Variants in RNF13 observed in about 807,000 individuals in gnomAD.
The protein encoded by RNF13 is ring finger protein 13.
A neutral mutation model predicts 37.7 loss-of-function variants in RNF13; 19 were observed. That is an observed-to-expected ratio of 0.50 (90% CI 0.35 to 0.74). RNF13 has a LOEUF of 0.74. Among genes scored for constraint, RNF13 ranks in the 30% least tolerant of loss-of-function variants. The pLI is 0.01. For synonymous variants in RNF13, 144 were observed against 157.8 expected, an observed-to-expected ratio of 0.91 and a Z score of 0.65; for missense variants, 375 against 453.0, an observed-to-expected ratio of 0.83 and a Z score of 1.56.
chr3:149,959,920 C>T, intron 8 of RNF13, 136 bp from the exon 9 acceptor site: 1 of 592,550 alleles, frequency 1.7e-6, no homozygotes, highest in Non-Finnish European at 3.0e-6. Context: ...GGTCCTAGGA[C>T]TTAGATAAGC....
chr3:149,856,674 T>G (rs1436269930), intron 3 of RNF13, among the ~76,000 whole-genome samples: 1 of 152,130 alleles, frequency 6.6e-6, no homozygotes, highest in Non-Finnish European at 1.5e-5. Context: ...AACCCCTGGC[T>G]TCAAGCAATC....
intron 4 of RNF13, among the ~76,000 whole-genome samples, chr3:149,879,913 C>G (rs1209989038): frequency 1.3e-5 from 2 of 152,148 alleles, no homozygotes; most frequent in African/African-American, 2.4e-5. Context: ...CTAGCCTGAT[C>G]CTAACCTAAA....
intron 3 of RNF13, among the ~76,000 whole-genome samples, chr3:149,864,747 A>T (rs2108424920): frequency 6.6e-6 from 1 of 152,298 alleles, no homozygotes; most frequent in Middle Eastern, 3.4e-3. Flanking sequence ...TGCTATTGTT[A>T]TTGAGAACTA....
chr3:149,958,253 C>T (rs1385982071), intron 8 of RNF13, among the ~76,000 whole-genome samples: 2 of 152,180 alleles, frequency 1.3e-5, no homozygotes, highest in Non-Finnish European at 2.9e-5. Flanking sequence ...AGGGCCAAAA[C>T]CAAGGTGTCA....
chr3:149,900,620 A>G (rs913497280), intron 5 of RNF13, among the ~76,000 whole-genome samples: 1 of 152,106 alleles, frequency 6.6e-6, no homozygotes, highest in African/African-American at 2.4e-5. Context: ...GATGAGGTAG[A>G]TCTGTATTTA....
At chr3:149,882,291 G>C (rs1713513287) in intron 4 of RNF13, among the ~76,000 whole-genome samples, 1 of 151,400 alleles carries the variant, frequency 6.6e-6, no homozygotes, top group Non-Finnish European at 1.5e-5. Context: ...GGGTGGGTGG[G>C]GGAGGGGGTA....
At chr3:149,895,697 T>G in intron 5 of RNF13, 137 bp downstream of exon 5, 2 of 518,026 alleles carry the variant, frequency 3.9e-6, no homozygotes. Flanking sequence ...CATTCTTAAC[T>G]CTGGATGATT....
intron 8 of RNF13, among the ~76,000 whole-genome samples, chr3:149,945,169 A>C (rs1334812598): frequency 6.6e-6 from 1 of 152,124 alleles, no homozygotes. Flanking sequence ...ATTGGTCTAT[A>C]TCTCTGTCTT....
intron 1 of RNF13, among the ~76,000 whole-genome samples, chr3:149,822,995 T>C (rs1379051256): frequency 6.6e-6 from 1 of 152,098 alleles, no homozygotes; most frequent in Non-Finnish European, 1.5e-5. Context: ...ATGTGAACAA[T>C]TTCAACCTCA....
intron 7 of RNF13, among the ~76,000 whole-genome samples, chr3:149,916,117 C>CT (rs1324422086): frequency 6.6e-6 from 1 of 151,064 alleles, no homozygotes; most frequent in African/African-American, 2.4e-5. Flanking sequence ...TTGGGGTTAT[C>CT]TGTTACTTGA....
intron 8 of RNF13, among the ~76,000 whole-genome samples, chr3:149,934,534 C>A (rs750611364): frequency 4.6e-5 from 7 of 151,994 alleles, no homozygotes; most frequent in Non-Finnish European, 8.8e-5. Context: ...TTTTGATATG[C>A]TGTGTTTCCA....
At chr3:149,839,761 A>ATT (rs202123548) in intron 1 of RNF13, among the ~76,000 whole-genome samples, 1 of 152,064 alleles carries the variant, frequency 6.6e-6, no homozygotes, top group African/African-American at 2.4e-5. Flanking sequence ...ATAGCTAAGG[A>ATT]TTTTTTTAAA....
At position 149,872,081 on chromosome 3, in the gene RNF13, C is replaced by T. The variant is rs747951487; in HGVS notation, c.248C>T (p.Pro83Leu). ...PENACEPIVP[P>L]PVKDNSSGTF... ...AATGCCTGTGAACCCATAGTGCCTC[C>T]ACCAGTAAAAGACAATTCATCTGGC... The change falls in exon 4 of 10, where the codon CCA (proline) becomes CTA (leucine). Residue 83 changes from proline to leucine, a missense_variant. Transcript: ENST00000392894. 4 of 1,607,106 alleles carry T rather than the reference C, an allele frequency of 2.5e-6. No individual in the cohort carries two copies. Among genetic ancestry groups the T allele is most frequent in the South Asian group, 1.1e-5 (1 of 90,012 alleles).
chr3:149,913,811 C>G (rs1194008376), intron 7 of RNF13, among the ~76,000 whole-genome samples: 1 of 152,164 alleles, frequency 6.6e-6, no homozygotes, highest in Non-Finnish European at 1.5e-5. Context: ...TAGAACATCA[C>G]TGATGATGCT....
intron 1 of RNF13, among the ~76,000 whole-genome samples, chr3:149,845,360 T>A (rs974264326): frequency 6.6e-6 from 1 of 152,334 alleles, no homozygotes; most frequent in Admixed American, 6.5e-5. Context: ...CATTTAGTCT[T>A]TTCACGGTAT....
At chr3:149,938,478 GTTATTA>G (rs1288810746) in intron 8 of RNF13, among the ~76,000 whole-genome samples, 1 of 149,372 alleles carries the variant, frequency 6.7e-6, no homozygotes, top group African/African-American at 2.5e-5. Context: ...TGGCCATATT[GTTATTA>G]TTATTTTTTT....
intron 2 of RNF13, among the ~76,000 whole-genome samples, chr3:149,850,439 A>G (rs773869389): frequency 2.2e-4 from 33 of 152,210 alleles, no homozygotes; most frequent in Non-Finnish European, 3.7e-4. Context: ...ATATGAAACA[A>G]TCCTTATTTT....
chr3:149,849,570 G>C (rs1224844663), intron 2 of RNF13, among the ~76,000 whole-genome samples: 2 of 152,190 alleles, frequency 1.3e-5, no homozygotes, highest in Non-Finnish European at 2.9e-5. Context: ...GTAAAAGTGA[G>C]AGTTTGTGAA....
At chr3:149,916,242 T>C (rs533911683) in intron 7 of RNF13, among the ~76,000 whole-genome samples, 1 of 152,314 alleles carries the variant, frequency 6.6e-6, no homozygotes, top group South Asian at 2.1e-4. Flanking sequence ...AGAAATTTCC[T>C]GTTTTCAAGT....
Sources: allele counts gnomAD v4.1 joint callset (sites outside exome capture counted in the v4.1 genomes callset), GRCh38; gene constraint gnomAD v4.1.1; transcripts MANE v1.5; gene names NCBI Gene and HGNC (gene_info 2026-07-23, HGNC 2026-07-21).